PDE1C: variants seen among roughly 807,000 people sequenced by gnomAD.
PDE1C encodes the protein phosphodiesterase 1C.
PDE1C carries 62 observed loss-of-function variants against 93.1 expected under a neutral mutation model. The observed-to-expected ratio is 0.67, with a 90% CI of 0.54 to 0.82. The LOEUF (loss-of-function observed/expected upper bound fraction) is 0.82. Ranked by LOEUF, PDE1C falls within the 40% of genes least tolerant of loss-of-function variation. PDE1C has a pLI of 0.00. For synonymous variants in PDE1C, 325 were observed against 310.1 expected (o/e 1.05, Z -0.50); for missense variants, 742 against 884.6 (o/e 0.84, Z 2.04).
chr7:32,290,760 A>T (rs1812281828), intron 1 of PDE1C, among the ~76,000 whole-genome samples: 1 of 152,222 alleles, frequency 6.6e-6, no homozygotes, highest in South Asian at 2.1e-4. Flanking sequence ...TAACCTGCTG[A>T]GGAAATGGGA....
chr7:32,088,091 T>C (rs900487356), intron 3 of PDE1C, among the ~76,000 whole-genome samples: 1 of 152,106 alleles, frequency 6.6e-6, no homozygotes, highest in African/African-American at 2.4e-5. Flanking sequence ...TCAATTTTAT[T>C]ATAAATTTGA....
intron 1 of PDE1C, among the ~76,000 whole-genome samples, chr7:32,265,731 A>T (rs1324376065): frequency 6.6e-6 from 1 of 152,238 alleles, no homozygotes; most frequent in East Asian, 1.9e-4. Context: ...AGAGACATAT[A>T]CGTATCCAAA....
chr7:32,213,636 GCTTGC>G (rs1806218895), intron 1 of PDE1C, among the ~76,000 whole-genome samples: 1 of 152,190 alleles, frequency 6.6e-6, no homozygotes, highest in Non-Finnish European at 1.5e-5. Flanking sequence ...AAACACTGCT[GCTTGC>G]CTTGCATGTT....
intron 3 of PDE1C, among the ~76,000 whole-genome samples, chr7:32,137,613 C>T (rs1800285524): frequency 6.6e-6 from 1 of 152,172 alleles, no homozygotes; most frequent in Admixed American, 6.5e-5. Context: ...GGCTGTTCAT[C>T]ATCAGATTAA....
At chr7:32,009,626 G>A (rs1270743650) in intron 2 of PDE1C, among the ~76,000 whole-genome samples, 3 of 152,186 alleles carry the variant, frequency 2.0e-5, no homozygotes, top group Admixed American at 2.0e-4. Context: ...GATCAGCAAT[G>A]AGACAAGGAT....
intron 1 of PDE1C, among the ~76,000 whole-genome samples, chr7:32,059,688 AT>A (rs940161618): frequency 2.0e-4 from 30 of 150,284 alleles, no homozygotes; most frequent in African/African-American, 4.2e-4. Flanking sequence ...GGAAGGCAAG[AT>A]TTTTTTTTTA....
chr7:32,128,448 A>G (rs1265567703), intron 3 of PDE1C, among the ~76,000 whole-genome samples: 4 of 152,008 alleles, frequency 2.6e-5, no homozygotes, highest in Admixed American at 6.6e-5. Flanking sequence ...TTTAAATAGG[A>G]TAGTGTTATA....
chr7:31,651,540 C>T, the PDE1C span, among the ~76,000 whole-genome samples: 2 of 152,024 alleles, frequency 1.3e-5, no homozygotes, highest in East Asian at 3.9e-4. Context: ...GGATGGGGCT[C>T]GTGCAAATGC....
exon 1 of PDE1C, chr7:32,298,865 C>T (rs1812798894): frequency 2.9e-6 from 4 of 1,379,582 alleles, no homozygotes; most frequent in Non-Finnish European, 2.8e-6. Flanking sequence ...CACTCTCAGC[C>T]CCGCCGCGCG....
chr7:31,993,307 T>C (rs1784356842), intron 2 of PDE1C, among the ~76,000 whole-genome samples: 2 of 152,276 alleles, frequency 1.3e-5, no homozygotes, highest in Non-Finnish European at 2.9e-5. Context: ...TTTGAGTAGG[T>C]TGGCTTAAAG....
chr7:31,957,673 G>A (rs1808328769), intron 2 of PDE1C, among the ~76,000 whole-genome samples: 1 of 152,142 alleles, frequency 6.6e-6, no homozygotes, highest in Non-Finnish European at 1.5e-5. Flanking sequence ...CAGTTTTTGT[G>A]CAGCATTGCA....
chr7:31,630,842 C>T, the PDE1C span, among the ~76,000 whole-genome samples: 1 of 151,054 alleles, frequency 6.6e-6, no homozygotes, highest in Non-Finnish European at 1.5e-5. Context: ...TCAATGAAAA[C>T]AAAAAGAAAA....
the PDE1C span, among the ~76,000 whole-genome samples, chr7:31,680,587 A>T: frequency 6.6e-6 from 1 of 152,228 alleles, no homozygotes; most frequent in African/African-American, 2.4e-5. Context: ...TAGCCAGAAT[A>T]TAGTTAGGAG....
intron 1 of PDE1C, among the ~76,000 whole-genome samples, chr7:32,404,666 A>C (rs1399198823): frequency 6.6e-6 from 1 of 152,048 alleles, no homozygotes; most frequent in Non-Finnish European, 1.5e-5. Context: ...TTATTTATGT[A>C]TTCAGTGACA....
intron 1 of PDE1C, among the ~76,000 whole-genome samples, chr7:32,420,116 TATATATATACACACACACACACACAC>T (rs770130644): frequency 0.1 from 3,038 of 29,392 alleles, 492 homozygotes; most frequent in Admixed American, 0.2. Flanking sequence ...TATATATATA[TATATATATACACACACACACACACAC>T]ACACACACAC....
At chr7:32,240,936 G>A (rs1414243086) in intron 1 of PDE1C, among the ~76,000 whole-genome samples, 1 of 152,218 alleles carries the variant, frequency 6.6e-6, no homozygotes, top group Middle Eastern at 3.2e-3. Flanking sequence ...TGGGACAACA[G>A]AATCTGTGGT....
the PDE1C span, among the ~76,000 whole-genome samples, chr7:31,679,451 G>A: frequency 6.6e-5 from 10 of 152,230 alleles, no homozygotes; most frequent in African/African-American, 2.2e-4. Flanking sequence ...AACAAAAGAG[G>A]CAAAGTCCTA....
the PDE1C span, among the ~76,000 whole-genome samples, chr7:31,693,570 A>T: frequency 6.6e-6 from 1 of 152,308 alleles, no homozygotes; most frequent in Admixed American, 6.5e-5. Context: ...AAAGAGTATA[A>T]CACCGTTGTA....
chr7:31,902,673 C>T (rs77151459), intron 2 of PDE1C, among the ~76,000 whole-genome samples: 10,910 of 151,638 alleles, frequency 0.072, 537 homozygotes, highest in Middle Eastern at 0.14. Flanking sequence ...AAAGTTTCCA[C>T]TAACAGGGAA....
Sources: gnomAD v4.1 joint callset for allele counts (sites outside exome capture counted in the v4.1 genomes callset) on GRCh38, gnomAD v4.1.1 for gene constraint, MANE v1.5 for transcripts, NCBI Gene and HGNC (gene_info 2026-07-23, HGNC 2026-07-21) for gene names.